KDM2B: variants seen among roughly 807,000 people sequenced by gnomAD.
The protein encoded by KDM2B is lysine-specific demethylase 2B.
In KDM2B, 26 loss-of-function variants were observed where a neutral mutation model predicts 150.0. The observed-to-expected ratio is 0.17, with a 90% CI of 0.13 to 0.24. KDM2B has a LOEUF of 0.24. KDM2B is among the 10% of genes least tolerant of loss of function. The pLI, the probability that KDM2B is intolerant of heterozygous loss-of-function variation, is 1.00. For missense variants in KDM2B, 1,265 were observed against 1,816.9 expected, an observed-to-expected ratio of 0.70 and a Z score of 5.52; for synonymous variants, 734 against 729.5, an observed-to-expected ratio of 1.01 and a Z score of -0.10.
intron 6 of KDM2B, 120 bp downstream of exon 6, chr12:121,548,757 C>A: frequency 1.4e-6 from 1 of 738,096 alleles, no homozygotes; most frequent in South Asian, 1.6e-5. Flanking sequence ...CAGTTCTGAA[C>A]GGGAGCGGTT....
chr12:121,526,738 A>T (rs1887166309), intron 8 of KDM2B, among the ~76,000 whole-genome samples: 1 of 152,054 alleles, frequency 6.6e-6, no homozygotes, highest in Non-Finnish European at 1.5e-5. Context: ...AACAAAATTT[A>T]AAAATTTTTT....
chr12:121,413,215 C>A, the KDM2B span, among the ~76,000 whole-genome samples: 1 of 151,354 alleles, frequency 6.6e-6, no homozygotes, highest in Non-Finnish European at 1.5e-5. Flanking sequence ...TTAGTAGAGA[C>A]GGCGTTTCGC....
chr12:121,534,819 T>C (rs1555308456), intron 6 of KDM2B, among the ~76,000 whole-genome samples: 1 of 152,182 alleles, frequency 6.6e-6, no homozygotes, highest in African/African-American at 2.4e-5. Context: ...CCCCAGAGGC[T>C]GGGAGTGATA....
intron 8 of KDM2B, among the ~76,000 whole-genome samples, chr12:121,526,094 G>C (rs781787535): frequency 1.3e-5 from 2 of 152,194 alleles, no homozygotes; most frequent in Non-Finnish European, 2.9e-5. Flanking sequence ...GCTCACACCT[G>C]TAATCCCAGC....
At chr12:121,542,497 T>C (rs954112996) in intron 6 of KDM2B, among the ~76,000 whole-genome samples, 4 of 152,368 alleles carry the variant, frequency 2.6e-5, no homozygotes, top group Non-Finnish European at 4.4e-5. Flanking sequence ...CCCAGCTCAG[T>C]TGTTCCCAGA....
At chr12:121,491,147 A>T (rs1883302659) in intron 12 of KDM2B, among the ~76,000 whole-genome samples, 1 of 152,130 alleles carries the variant, frequency 6.6e-6, no homozygotes, top group Non-Finnish European at 1.5e-5. Flanking sequence ...TCCCCGCCAC[A>T]TATCACTGGT....
intron 12 of KDM2B, among the ~76,000 whole-genome samples, chr12:121,478,581 G>C (rs577836518): frequency 6.6e-6 from 1 of 151,462 alleles, no homozygotes; most frequent in South Asian, 2.1e-4. Context: ...GGATGGTCTC[G>C]ATCTTCTGAC....
intron 4 of KDM2B, among the ~76,000 whole-genome samples, chr12:121,573,454 T>G (rs960681121): frequency 2.0e-5 from 3 of 151,880 alleles, no homozygotes; most frequent in African/African-American, 7.3e-5. Context: ...AGCTAATTTT[T>G]TGTAGAGAGA....
Position 121,509,564 on chromosome 12 carries a change from C to G in KDM2B, c.1647+3G>C. 6.2e-7 allele frequency: 1 copy of G among 1,611,246 alleles called. No homozygotes were observed. Among genetic ancestry groups the G allele is most frequent in the Middle Eastern group, 1.7e-4 (1 of 5,732 alleles). ...CCCAGCCCCAGACGCCACTCCTGCC[C>G]ACCTTCACACCCTCCAGGAGTGCCT... On this transcript the variant is annotated splice_donor_region_variant and intron_variant, in intron 11 of 22. Coordinates refer to ENST00000377071, the MANE Select transcript of KDM2B (RefSeq NM_032590.5).
Position 121,494,583 on chromosome 12 carries a change from G to C in KDM2B, c.1730C>G (p.Pro577Arg). 1 of 1,612,340 alleles carries C rather than the reference G, an allele frequency of 6.2e-7. No individual in the cohort carries two copies. Among genetic ancestry groups the C allele is most frequent in the Non-Finnish European group, 8.5e-7 (1 of 1,179,012 alleles). The change falls in exon 12 of 23, where the codon CCA becomes CGA. Residue 577 changes from proline (P) to arginine (R), a missense_variant. Physicochemically the swap from Pro to Arg is moderately radical, Grantham distance 103. Around this residue, in one of 11 missense-constraint regions of KDM2B, gnomAD observed 69 missense variants for 85.7 expected, o/e 0.81. Transcript: ENST00000377071. ...VPVVTWPKKT[P>R]KNRAVGRPKG... is the part of the protein sequence containing the mutation. The stretch of plus-strand genomic sequence containing the variant: ...TGCAGGCAGGCTGCGTCTTACCTTT[G>C]GAGTCTTCTTTGGCCAAGTCACCAC...
At position 121,579,409 on chromosome 12, in the gene KDM2B, G is replaced by A. The variant is rs571873807; in HGVS notation, c.127-463C>T. ...CAGAGCCGGGAAGCCGGAACCGGGG[G>A]CCGGCGGCATTTCTAAAGCTGGAGC... On this transcript the variant is annotated intron_variant, in intron 1 of 22. Coordinates refer to ENST00000377071, the MANE Select transcript of KDM2B (RefSeq NM_032590.5). Among the ~76,000 whole-genome samples the A allele has an allele frequency of 1.4e-3, 206 of 152,276 alleles. 2 individuals carry two copies. The highest frequency in any genetic ancestry group is 1.9e-3 in the Non-Finnish European group (129 of 68,010).
rs1875415295 is a variant in KDM2B, at chr12:121,442,911, C to A, written c.2605-75G>T. Reference sequence around the variant, plus strand: ...CCGCCCAAGGCCTCCCGCCCCCCTGCCACGGGACTGTGGCCCAGGGAGCTG... The same window carrying A: ...CCGCCCAAGGCCTCCCGCCCCCCTGACACGGGACTGTGGCCCAGGGAGCTG... On this transcript the variant is annotated intron_variant, in intron 18 of 22. Transcript: ENST00000377071. This position sits in a 1 kb window ranked among gnomAD's most constrained non-coding sequence, Gnocchi z 7.7. 6.3e-7 allele frequency: 1 copy of A among 1,575,918 alleles called. No individual in the cohort carries two copies. Among genetic ancestry groups the A allele is most frequent in the South Asian group, 1.2e-5 (1 of 86,786 alleles).
intron 1 of KDM2B, chr12:121,580,291 T>G: frequency 2.7e-6 from 3 of 1,103,522 alleles, no homozygotes; most frequent in Non-Finnish European, 3.3e-6. Context: ...CCCCGGAACG[T>G]AAACATTGTT....
chr12:121,409,786 C>T, the KDM2B span: 1 of 152,270 alleles, frequency 6.6e-6, no homozygotes, highest in African/African-American at 2.4e-5. Context: ...AGGTACAGGA[C>T]TAAAACACCT....
Position 121,521,139 on chromosome 12 carries a change from C to T in KDM2B, c.932-39G>A, listed in dbSNP as rs968121190. On this transcript the variant is annotated intron_variant, in intron 8 of 22. Coordinates refer to ENST00000377071, the MANE Select transcript of KDM2B (RefSeq NM_032590.5). The surrounding 1 kb of genome is among the most constrained non-coding windows in gnomAD (Gnocchi z 4.9). Reference sequence around the variant, plus strand: ...GGCAAGGAGAGGATGAGCCGCTGGCCCCTGTGGGCTCCCACACCTCACAAG... The same window carrying T: ...GGCAAGGAGAGGATGAGCCGCTGGCTCCTGTGGGCTCCCACACCTCACAAG... 1.4e-6 allele frequency: 2 copies of T among 1,431,454 alleles called. No individual in the cohort carries two copies. The highest frequency in any genetic ancestry group is 2.8e-5 in the African/African-American group (2 of 71,092). The allele number at this position is 1,431,454 out of a possible 1,614,324, so 88.7% of individuals were successfully genotyped here.
chr12:121,467,415 G>A lies in KDM2B; in HGVS notation c.1735-14071C>T, dbSNP rs1555295114. The A allele has an allele frequency of 1.1e-6, 1 of 913,600 alleles. No individual in the cohort carries two copies. The highest frequency in any genetic ancestry group is 1.2e-4 in the East Asian group (1 of 8,356). The allele number at this position is 913,600 out of a possible 1,614,324, so 56.6% of individuals were successfully genotyped here. A position where few individuals can be genotyped will look rare whatever the true frequency, so the allele number is the denominator to read the frequency against. On this transcript the variant is annotated intron_variant, in intron 12 of 22. Coordinates refer to ENST00000377071, the MANE Select transcript of KDM2B (RefSeq NM_032590.5). The surrounding 1 kb of genome is among the most constrained non-coding windows in gnomAD (Gnocchi z 5.1). ...GGAGGGGCCGGCGGGGGAGGGCCGG[G>A]GCGCCATGCATATGCATGAGGCGAG...
In KDM2B at chr12:121,520,311, T is replaced by C. The variant is rs561181733; in HGVS notation, c.1047+674A>G. On this transcript the variant is annotated intron_variant, in intron 9 of 22. Transcript: ENST00000377071. This position sits in a 1 kb window ranked among gnomAD's most constrained non-coding sequence, Gnocchi z 4.5. ...GCCACTTGTCCTTTTCAGGGGACAC[T>C]TGTGGAGCGAAGGACACACATCAGT... Among the ~76,000 whole-genome samples, 2 of 152,260 alleles carry C rather than the reference T, an allele frequency of 1.3e-5. No homozygotes were observed. The highest frequency in any genetic ancestry group is 1.9e-4 in the East Asian group (1 of 5,172).
rs377042822 is a variant in KDM2B, at chr12:121,514,366, C to T, written c.1048-964G>A. On this transcript the variant is annotated intron_variant, in intron 9 of 22. Transcript: ENST00000377071. ...ATAGAAGAGGAAGTAAAGGTGGAGA[C>T]AGCTTTGTGTACTAGAACTGTCAAA... Among the ~76,000 whole-genome samples the T allele has an allele frequency of 6.6e-5, 10 of 151,988 alleles. No homozygotes were observed. The East Asian group carries it at 7.7e-4, about 12-fold the overall frequency.
At chr12:121,464,006 T>C (rs148568999) in intron 12 of KDM2B, among the ~76,000 whole-genome samples, 48 of 151,924 alleles carry the variant, frequency 3.2e-4, no homozygotes, top group Middle Eastern at 3.5e-3. Context: ...AGGAGGATCA[T>C]TGAGGCCAGA....
Sources: allele counts gnomAD v4.1 joint callset (sites outside exome capture counted in the v4.1 genomes callset), GRCh38; gene constraint gnomAD v4.1.1; regional missense constraint gnomAD v4.1.1; non-coding constraint Gnocchi (gnomAD v3.1); transcripts MANE v1.5; gene names NCBI Gene and HGNC (gene_info 2026-07-23, HGNC 2026-07-21).